Variants in LRBA observed in about 807,000 individuals in gnomAD.
The protein encoded by LRBA is LPS responsive beige-like anchor protein.
LRBA carries 176 observed loss-of-function variants against 330.0 expected under a neutral mutation model. The ratio of observed to expected loss-of-function variants is 0.53; its 90% CI spans 0.47 to 0.60. The LOEUF (loss-of-function observed/expected upper bound fraction) is 0.60. LRBA is among the 20% of genes least tolerant of loss of function. The pLI, the probability that LRBA is intolerant of heterozygous loss-of-function variation, is 0.00. For synonymous variants in LRBA, 1,230 were observed against 1,193.0 expected, an observed-to-expected ratio of 1.03 and a Z score of -0.64; for missense variants, 3,259 against 3,444.8, an observed-to-expected ratio of 0.95 and a Z score of 1.35.
chr4:150,590,313 G>T (rs1004799531), intron 39 of LRBA, among the ~76,000 whole-genome samples: 8 of 140,836 alleles, frequency 5.7e-5, no homozygotes, highest in African/African-American at 2.2e-4. Context: ...TGTTCACTAA[G>T]ACCTGTATAT....
intron 40 of LRBA, among the ~76,000 whole-genome samples, chr4:150,504,467 C>A (rs944681430): frequency 7.9e-4 from 120 of 152,280 alleles, no homozygotes; most frequent in African/African-American, 2.8e-3. Context: ...GAATTTTCAA[C>A]CCAGAATTTC....
intron 37 of LRBA, among the ~76,000 whole-genome samples, chr4:150,632,426 G>A (rs994543816): frequency 6.6e-6 from 1 of 152,172 alleles, no homozygotes; most frequent in African/African-American, 2.4e-5. Flanking sequence ...GCCTGGCAAA[G>A]AGCCTTGCTC....
intron 36 of LRBA, among the ~76,000 whole-genome samples, chr4:150,714,017 T>C (rs1272231184): frequency 6.6e-6 from 1 of 152,188 alleles, no homozygotes; most frequent in Non-Finnish European, 1.5e-5. Context: ...TATTCAAGAA[T>C]GGTCGATCAA....
intron 17 of LRBA, among the ~76,000 whole-genome samples, chr4:150,875,944 G>A (rs1215252702): frequency 6.6e-6 from 1 of 152,138 alleles, no homozygotes; most frequent in Non-Finnish European, 1.5e-5. Context: ...CTGCAAGGAA[G>A]CTCAATGATA....
At chr4:150,841,513 G>A (rs943969393) in intron 28 of LRBA, among the ~76,000 whole-genome samples, 2 of 152,040 alleles carry the variant, frequency 1.3e-5, no homozygotes, top group Non-Finnish European at 2.9e-5. Flanking sequence ...ACTTACTTAA[G>A]GACATATAGT....
At chr4:150,608,810 A>G (rs1774934504) in intron 37 of LRBA, among the ~76,000 whole-genome samples, 3 of 152,150 alleles carry the variant, frequency 2.0e-5, no homozygotes, top group South Asian at 2.1e-4. Flanking sequence ...CTTTCTCAAC[A>G]TATTTACCTA....
At chr4:150,627,269 C>T (rs558670098) in intron 37 of LRBA, among the ~76,000 whole-genome samples, 55 of 151,804 alleles carry the variant, frequency 3.6e-4, no homozygotes, top group Admixed American at 6.6e-4. Flanking sequence ...CTAAGGTACT[C>T]CTGACTGTGT....
intron 36 of LRBA, among the ~76,000 whole-genome samples, chr4:150,710,347 G>GA (rs1786059416): frequency 6.6e-6 from 1 of 152,088 alleles, no homozygotes; most frequent in Non-Finnish European, 1.5e-5. Flanking sequence ...TACAGTTTTA[G>GA]AAAGTCTCTC....
At chr4:150,370,026 T>C (rs965088201) in intron 47 of LRBA, among the ~76,000 whole-genome samples, 5 of 152,216 alleles carry the variant, frequency 3.3e-5, no homozygotes, top group Non-Finnish European at 5.9e-5. Flanking sequence ...AGTTTAACTA[T>C]GATACTTCTA....
intron 47 of LRBA, among the ~76,000 whole-genome samples, chr4:150,357,725 G>C (rs902645893): frequency 6.7e-6 from 1 of 149,332 alleles, no homozygotes; most frequent in Admixed American, 6.7e-5. Context: ...TTTCTTTTAT[G>C]TGTTTGCATT....
chr4:150,806,228 G>T, intron 33 of LRBA, 43 bp downstream of exon 33: 1 of 1,388,222 alleles, frequency 7.2e-7, no homozygotes, highest in Non-Finnish European at 9.6e-7. Flanking sequence ...TTTTAATCCT[G>T]AAATATAAAT....
At chr4:150,843,184 A>C (rs1343698383) in intron 28 of LRBA, among the ~76,000 whole-genome samples, 2 of 152,162 alleles carry the variant, frequency 1.3e-5, no homozygotes, top group African/African-American at 4.8e-5. Context: ...ATCCAGTATC[A>C]TGTTTAATAC....
chr4:150,409,821 C>T (rs11736470), intron 47 of LRBA, among the ~76,000 whole-genome samples: 32,864 of 151,930 alleles, frequency 0.22, 4,414 homozygotes, highest in Non-Finnish European at 0.31. Context: ...TTACATATCA[C>T]GGCTAAAAGC....
chr4:150,768,784 A>T (rs1480936499), intron 34 of LRBA, among the ~76,000 whole-genome samples: 2 of 152,126 alleles, frequency 1.3e-5, no homozygotes, highest in Non-Finnish European at 2.9e-5. Flanking sequence ...GGCAGAGGAG[A>T]AAAACGACTC....
chr4:150,441,801 T>C (rs538114054), intron 44 of LRBA, among the ~76,000 whole-genome samples: 4 of 152,112 alleles, frequency 2.6e-5, no homozygotes, highest in African/African-American at 4.8e-5. Context: ...TTTAAAACTA[T>C]TGTATTACAA....
chr4:150,598,782 T>A (rs1470688875), intron 38 of LRBA, among the ~76,000 whole-genome samples: 1 of 152,224 alleles, frequency 6.6e-6, no homozygotes, highest in Non-Finnish European at 1.5e-5. Context: ...AGGGTCTATG[T>A]TAAGTAAGTT....
At chr4:150,918,948 T>C (rs968479615) in intron 5 of LRBA, among the ~76,000 whole-genome samples, 2 of 152,142 alleles carry the variant, frequency 1.3e-5, no homozygotes, top group Non-Finnish European at 1.5e-5. Flanking sequence ...ACACATAAAA[T>C]TGTACACTAA....
chr4:150,806,856 T>C (rs543355965), intron 32 of LRBA, among the ~76,000 whole-genome samples: 4 of 151,958 alleles, frequency 2.6e-5, no homozygotes, highest in South Asian at 2.2e-4. Context: ...TTATAAATTA[T>C]AAAAAGCAGT....
rs1044864462 is a variant in LRBA at position 150,387,209 on chromosome 4, G to T, written c.7194+28229C>A. 3.3e-5 allele frequency among the ~76,000 whole-genome samples: 5 copies of T among 151,684 alleles called. No homozygotes were observed. In the South Asian group the frequency reaches 1.0e-3, roughly 32 times the overall value. On this transcript the variant is annotated intron_variant, in intron 47 of 56. Transcript: ENST00000651943. ...TTTTCCCCCATTCCATAGGTTGTCT[G>T]TTCACTCTGTGGATAGTTTCTTTTG...
Sources: gnomAD v4.1 joint callset for allele counts (sites outside exome capture counted in the v4.1 genomes callset) on GRCh38, gnomAD v4.1.1 for gene constraint, MANE v1.5 for transcripts, NCBI Gene and HGNC (gene_info 2026-07-23, HGNC 2026-07-21) for gene names.